The following C1QTNF6 variants were observed in gnomAD, a reference collection of about 807,000 sequenced individuals.
C1QTNF6 encodes the protein complement C1q tumor necrosis factor-related protein 6.
In C1QTNF6, 17 loss-of-function variants were observed where a neutral mutation model predicts 20.7. That is an observed-to-expected ratio of 0.82 (90% CI 0.56 to 1.23). The LOEUF is 1.23. Among genes scored for constraint, C1QTNF6 ranks in the 50% most tolerant of loss-of-function variants. C1QTNF6 has a pLI of 0.00. For synonymous variants in C1QTNF6, 130 were observed against 156.3 expected, an observed-to-expected ratio of 0.83 and a Z score of 1.25; for missense variants, 329 against 389.7, an observed-to-expected ratio of 0.84 and a Z score of 1.31.
chr22:37,183,103 G>T, intron 2 of C1QTNF6: 1 of 221,318 alleles, frequency 4.5e-6, no homozygotes, highest in Non-Finnish European at 7.6e-6. Context: ...CCACAGCGCA[G>T]TCCAGGCTGG....
At chr22:37,183,511 T>C (rs1003694132) in intron 2 of C1QTNF6, among the ~76,000 whole-genome samples, 6 of 152,120 alleles carry the variant, frequency 3.9e-5, no homozygotes, top group African/African-American at 1.4e-4. Flanking sequence ...ACTTTCAACA[T>C]AAGAAAAGCA....
At chr22:37,188,804 A>C (rs1369992227), upstream of C1QTNF6, among the ~76,000 whole-genome samples, 1 of 152,236 alleles carries the variant, frequency 6.6e-6, no homozygotes, top group African/African-American at 2.4e-5. Context: ...TGTTGGGTGA[A>C]TGACCAGGCT....
Position 37,184,905 on chromosome 22 carries a change from G to A in C1QTNF6, c.289+313C>T, listed in dbSNP as rs751469868. Among the ~76,000 whole-genome samples the A allele has an allele frequency of 1.3e-5, 2 of 152,008 alleles. No homozygotes were observed. The highest frequency in any genetic ancestry group is 2.9e-5 in the Non-Finnish European group (2 of 68,006). On this transcript the variant is annotated intron_variant, in intron 2 of 2. Coordinates refer to ENST00000337843, the MANE Select transcript of C1QTNF6 (RefSeq NM_031910.4). The surrounding 1 kb of genome is among the most constrained non-coding windows in gnomAD (Gnocchi z 4.0). ...AATATGCAGCCTGCAGCCCAGACCC[G>A]CACTCCTGAAGCCCCTTTTCATTTC...
intron 2 of C1QTNF6, among the ~76,000 whole-genome samples, chr22:37,194,319 C>T (rs905816591): frequency 6.6e-6 from 1 of 152,214 alleles, no homozygotes; most frequent in African/African-American, 2.4e-5. Flanking sequence ...ATTCATAGCA[C>T]TAAGTACACC....
upstream of C1QTNF6, chr22:37,199,376 C>A (rs1217585662): frequency 6.6e-6 from 1 of 152,492 alleles, no homozygotes; most frequent in Non-Finnish European, 1.5e-5. Context: ...CTCTGGCCCA[C>A]CCGGGCCTCG....
At chr22:37,187,968 G>A (rs567425620) in intron 1 of C1QTNF6, among the ~76,000 whole-genome samples, 195 bp downstream of exon 1, 15 of 152,214 alleles carry the variant, frequency 9.9e-5, no homozygotes, top group African/African-American at 3.1e-4. Flanking sequence ...GGGTAGGGGC[G>A]GGCACAAACC....
Position 37,182,092 on chromosome 22 carries a change from C to T in C1QTNF6, c.*96G>A. On this transcript the variant is annotated 3_prime_UTR_variant, in exon 3 of 3. Transcript: ENST00000337843. ...CAGAATGCCAGGTCCCCGGGGACCTCCCTGGCCTTCCTGCTTCACAGCAGT... is the reference window on the plus strand; with the variant it reads ...CAGAATGCCAGGTCCCCGGGGACCTTCCTGGCCTTCCTGCTTCACAGCAGT... The T allele has an allele frequency of 7.2e-7, 1 of 1,387,164 alleles. No homozygotes were observed. 85.9% of individuals were successfully genotyped at this position (1,387,164 alleles called of 1,614,324 possible).
At chr22:37,187,340 C>T (rs1369068850) in intron 1 of C1QTNF6, among the ~76,000 whole-genome samples, 2 of 152,126 alleles carry the variant, frequency 1.3e-5, no homozygotes, top group African/African-American at 2.4e-5. Context: ...TTGGAAATCC[C>T]AAAATTCCCT....
intron 2 of C1QTNF6, among the ~76,000 whole-genome samples, chr22:37,183,719 G>A (rs946723799): frequency 1.3e-5 from 2 of 152,244 alleles, no homozygotes; most frequent in Non-Finnish European, 2.9e-5. Flanking sequence ...CAAGGCCACA[G>A]CTCTGCAGGG....
intron 2 of C1QTNF6, 36 bp from the exon 3 acceptor site, chr22:37,182,771 A>T: frequency 6.5e-7 from 1 of 1,531,316 alleles, no homozygotes; most frequent in Non-Finnish European, 8.8e-7. Flanking sequence ...CAGGGTGGAC[A>T]TCTGAGCCTG....
At position 37,184,848 on chromosome 22, in the gene C1QTNF6, G is replaced by A. The variant is rs1270756819; in HGVS notation, c.289+370C>T. Among the ~76,000 whole-genome samples the A allele has an allele frequency of 6.6e-6, 1 of 152,066 alleles. No homozygotes were observed. The highest frequency in any genetic ancestry group is 2.4e-5 in the African/African-American group (1 of 41,388). On this transcript the variant is annotated intron_variant, in intron 2 of 2. Coordinates refer to ENST00000337843, the MANE Select transcript of C1QTNF6 (RefSeq NM_031910.4). The surrounding 1 kb of genome is among the most constrained non-coding windows in gnomAD (Gnocchi z 4.0). ...CCTCCACCACCTCTTAGAAGCCTGT[G>A]CTCCATGGGTCCTCCACTGACCACC...
Position 37,182,717 on chromosome 22 carries a change from C to T in C1QTNF6, c.308G>A (p.Gly103Asp), listed in dbSNP as rs780134428. 2.5e-6 allele frequency: 4 copies of T among 1,607,952 alleles called. No individual in the cohort carries two copies. In the South Asian group the frequency reaches 4.4e-5, roughly 18 times the overall value. Reference sequence around the variant, plus strand: ...CATGTACCCTGGCAGGCCCATTGGGCCTGGGTCCCCTTTGTCACCTGTGGG... The same window carrying T: ...CATGTACCCTGGCAGGCCCATTGGGTCTGGGTCCCCTTTGTCACCTGTGGG... ...TILKGDKGDP[G>D]PMGLPGYMGR... The change falls in exon 3 of 3, where the codon GGC (glycine) becomes GAC (aspartate). Residue 103 changes from glycine (G) to aspartate (D), a missense_variant. By Grantham distance (94) the Gly-to-Asp change is moderately conservative. Coordinates refer to ENST00000337843, the MANE Select transcript of C1QTNF6 (RefSeq NM_031910.4).
Position 37,184,170 on chromosome 22 carries a change from C to A in C1QTNF6, c.289+1048G>T, listed in dbSNP as rs1252105360. Among the ~76,000 whole-genome samples, 1 of 152,114 alleles carries A rather than the reference C, an allele frequency of 6.6e-6. No homozygotes were observed. Among genetic ancestry groups the A allele is most frequent in the Non-Finnish European group, 1.5e-5 (1 of 68,020 alleles). ...GTGAGGAAGAGCAACGTCCTCACCA[C>A]GAAATCAGAACAAGGGCAGGCCAGG... is the stretch of plus-strand genomic sequence containing the variant. On this transcript the variant is annotated intron_variant, in intron 2 of 2. Coordinates refer to ENST00000337843, the MANE Select transcript of C1QTNF6 (RefSeq NM_031910.4). The surrounding 1 kb of genome is among the most constrained non-coding windows in gnomAD (Gnocchi z 4.0).
intron 2 of C1QTNF6, among the ~76,000 whole-genome samples, chr22:37,194,014 CTTT>C (rs1924982217): frequency 6.6e-6 from 1 of 152,176 alleles, no homozygotes; most frequent in African/African-American, 2.4e-5. Flanking sequence ...CGTGCAAAGG[CTTT>C]TAACTGCTCA....
At chr22:37,188,402 G>C (rs993205773), upstream of C1QTNF6, 6 of 491,342 alleles carry the variant, frequency 1.2e-5, no homozygotes, top group East Asian at 1.0e-4. Context: ...TGGGTTCTGC[G>C]GAGATAAAGG....
chr22:37,195,945 G>A (rs975014320), intron 1 of C1QTNF6: 4 of 152,132 alleles, frequency 2.6e-5, no homozygotes, highest in Non-Finnish European at 4.4e-5. Context: ...TTTATCAGCA[G>A]GGTATTTATG....
chr22:37,185,447 C>G lies in C1QTNF6; in HGVS notation c.60G>C (p.Met20Ile), dbSNP rs757903932. 1.3e-6 allele frequency: 2 copies of G among 1,599,500 alleles called. No homozygotes were observed. The highest frequency in any genetic ancestry group is 2.7e-5 in the African/African-American group (2 of 74,468). The change falls in exon 2 of 3, where the codon ATG (methionine) becomes ATC (isoleucine). Residue 20 changes from methionine (M) to isoleucine (I), a missense_variant. Coordinates refer to ENST00000337843, the MANE Select transcript of C1QTNF6 (RefSeq NM_031910.4). Reference sequence around the variant, plus strand: ...AGACGGGACCCAGGGCGGCTGTCCCCATGGTGACCTGGAACAAGGAAGGAG... The same window carrying G: ...AGACGGGACCCAGGGCGGCTGTCCCGATGGTGACCTGGAACAAGGAAGGAG... ...PGEATGHRVT[M>I]GTAALGPVWA...
chr22:37,188,264 A>G, upstream of C1QTNF6: 2 of 1,418,372 alleles, frequency 1.4e-6, no homozygotes, highest in Non-Finnish European at 1.9e-6. Context: ...TTGCTGGCCC[A>G]GACCCCCAGG....
rs1301640577 is a variant in C1QTNF6 at position 37,184,113 on chromosome 22, C to T, written c.289+1105G>A. On this transcript the variant is annotated intron_variant, in intron 2 of 2. Transcript: ENST00000337843. This position sits in a 1 kb window ranked among gnomAD's most constrained non-coding sequence, Gnocchi z 4.0. ...TCCAACCTCATGCAGAGAGCTAAGT[C>T]AGCCCTGGGGAAGCTGGGTGGGGAG... Among the ~76,000 whole-genome samples, 1 of 152,118 alleles carries T rather than the reference C, an allele frequency of 6.6e-6. No homozygotes were observed. Among genetic ancestry groups the T allele is most frequent in the African/African-American group, 2.4e-5 (1 of 41,424 alleles).
Sources: allele counts gnomAD v4.1 joint callset (sites outside exome capture counted in the v4.1 genomes callset), GRCh38; gene constraint gnomAD v4.1.1; non-coding constraint Gnocchi (gnomAD v3.1); transcripts MANE v1.5; gene names NCBI Gene and HGNC (gene_info 2026-07-23, HGNC 2026-07-21).